ATAD2B: variants seen among roughly 807,000 people sequenced by gnomAD.
ATAD2B encodes the protein ATPase family AAA domain containing 2B.
A neutral mutation model predicts 167.6 loss-of-function variants in ATAD2B; 40 were observed. The observed-to-expected ratio is 0.24, with a 90% CI of 0.19 to 0.31. The LOEUF is 0.31. Ranked by LOEUF, ATAD2B falls within the 10% of genes least tolerant of loss-of-function variation. The pLI, the probability that ATAD2B is intolerant of heterozygous loss-of-function variation, is 1.00. For synonymous variants in ATAD2B, 579 were observed against 596.5 expected (o/e 0.97, Z 0.43); for missense variants, 1,242 against 1,757.2 (o/e 0.71, Z 5.24).
Position 23,762,341 on chromosome 2 carries a change from A to C in ATAD2B, c.3262T>G (p.Ser1088Ala). Residue 1088 changes from serine to alanine, a missense_variant, in exon 24 of 28, where the codon TCA (serine) becomes GCA (alanine). Ser to Ala is a moderately conservative substitution (Grantham distance 99, BLOSUM62 1). Transcript: ENST00000238789. ...IKEARIKRGL[S>A]VTSEQINPHS... The stretch of plus-strand genomic sequence containing the variant: ...GGATTTATTTGTTCTGATGTTACTG[A>C]TAAGCCTGCAAGCAGAAGATAAGCA... The C allele has an allele frequency of 1.2e-6, 2 of 1,612,102 alleles. No homozygotes were observed. The highest frequency in any genetic ancestry group is 1.7e-6 in the Non-Finnish European group (2 of 1,179,194).
chr2:23,903,954 GTGGTGGTAGTGGTGA>G (rs1411597624), intron 1 of ATAD2B, among the ~76,000 whole-genome samples: 3 of 152,060 alleles, frequency 2.0e-5, no homozygotes, highest in African/African-American at 7.2e-5. Flanking sequence ...GGTGGTGGTG[GTGGTGGTAGTGGTGA>G]TGGTGGTGTG....
the ATAD2B span, among the ~76,000 whole-genome samples, chr2:23,731,572 C>T: frequency 1.3e-5 from 2 of 152,126 alleles, no homozygotes; most frequent in Non-Finnish European, 2.9e-5. Flanking sequence ...AAATACAATG[C>T]CAGCCACACA....
intron 21 of ATAD2B, 45 bp from the exon 22 acceptor site, chr2:23,783,073 C>A: frequency 3.0e-6 from 3 of 1,010,220 alleles, no homozygotes; most frequent in South Asian, 4.5e-5. Context: ...TTTTTCACAT[C>A]ATCTCAGTTC....
intron 6 of ATAD2B, among the ~76,000 whole-genome samples, chr2:23,881,785 G>A (rs1434831644): frequency 2.0e-5 from 3 of 150,936 alleles, no homozygotes; most frequent in Admixed American, 6.6e-5. Context: ...GTGCAATGGC[G>A]CGATCTCAGC....
At chr2:23,903,496 G>A (rs1701086532) in intron 1 of ATAD2B, among the ~76,000 whole-genome samples, 1 of 152,010 alleles carries the variant, frequency 6.6e-6, no homozygotes, top group Admixed American at 6.5e-5. Flanking sequence ...TTTTCAATTT[G>A]TAAAAACCAT....
At chr2:23,746,891 G>A (rs1287555903), downstream of ATAD2B, among the ~76,000 whole-genome samples, 1 of 152,140 alleles carries the variant, frequency 6.6e-6, no homozygotes, top group African/African-American at 2.4e-5. Context: ...AAAAAATAAT[G>A]TGAACTCTGA....
intron 2 of ATAD2B, among the ~76,000 whole-genome samples, chr2:23,893,074 G>A (rs1699756830): frequency 6.6e-6 from 1 of 152,020 alleles, no homozygotes; most frequent in Non-Finnish European, 1.5e-5. Flanking sequence ...ATACACTTGG[G>A]CCTTTAAACC....
intron 22 of ATAD2B, among the ~76,000 whole-genome samples, chr2:23,769,120 T>C (rs1170789687): frequency 6.6e-6 from 1 of 152,138 alleles, no homozygotes; most frequent in Non-Finnish European, 1.5e-5. Flanking sequence ...GGATATCAAA[T>C]CTCCAGATGC....
At chr2:23,913,303 A>G (rs1702560960) in intron 1 of ATAD2B, among the ~76,000 whole-genome samples, 1 of 152,210 alleles carries the variant, frequency 6.6e-6, no homozygotes, top group Non-Finnish European at 1.5e-5. Context: ...TCAATTCTCT[A>G]CAGATTAAAA....
At chr2:23,678,505 C>A in the ATAD2B span, among the ~76,000 whole-genome samples, 1 of 152,212 alleles carries the variant, frequency 6.6e-6, no homozygotes, top group African/African-American at 2.4e-5. Context: ...AATGAGTTGT[C>A]CCAGATGAGA....
the ATAD2B span, among the ~76,000 whole-genome samples, chr2:23,743,274 A>G: frequency 6.6e-6 from 1 of 152,170 alleles, no homozygotes; most frequent in Non-Finnish European, 1.5e-5. Context: ...GGTGATACTA[A>G]CAAGAGTTGG....
the ATAD2B span, among the ~76,000 whole-genome samples, chr2:23,720,378 A>G: frequency 6.6e-6 from 1 of 152,098 alleles, no homozygotes; most frequent in African/African-American, 2.4e-5. Flanking sequence ...GTTTGAGACC[A>G]GCCTGGCCAA....
At chr2:23,777,461 T>C (rs1339920269) in intron 22 of ATAD2B, among the ~76,000 whole-genome samples, 4 of 152,092 alleles carry the variant, frequency 2.6e-5, no homozygotes, top group Admixed American at 2.6e-4. Flanking sequence ...AATTAGCAGA[T>C]AGTACTCATA....
intron 6 of ATAD2B, among the ~76,000 whole-genome samples, chr2:23,882,868 C>G (rs1698154741): frequency 6.6e-6 from 1 of 151,586 alleles, no homozygotes; most frequent in African/African-American, 2.4e-5. Context: ...ATATGAACGC[C>G]CAAATGCAAT....
At chr2:23,780,266 C>CTT (rs1329594602) in intron 22 of ATAD2B, among the ~76,000 whole-genome samples, 54 of 83,266 alleles carry the variant, frequency 6.5e-4, no homozygotes, top group Middle Eastern at 9.4e-3. Context: ...AAAGTATATA[C>CTT]TTGTGTGTGT....
At chr2:23,863,634 C>T (rs1694743865) in intron 11 of ATAD2B, 79 bp from the exon 12 acceptor site, 1 of 1,274,518 alleles carries the variant, frequency 7.8e-7, no homozygotes, top group African/African-American at 1.5e-5. Context: ...ATGTCCCCCC[C>T]TTCCATATAA....
chr2:23,746,308 A>G (rs528569565), downstream of ATAD2B, among the ~76,000 whole-genome samples: 30 of 152,386 alleles, frequency 2.0e-4, no homozygotes, highest in African/African-American at 7.2e-4. Flanking sequence ...AAATTAATCT[A>G]TAACTCAGTT....
chr2:23,872,779 C>A, intron 8 of ATAD2B: 1 of 934,970 alleles, frequency 1.1e-6, no homozygotes, highest in Non-Finnish European at 1.8e-6. Flanking sequence ...CAGGCAACCA[C>A]ATCTGATCAA....
At chr2:23,832,126 A>G (rs1689158972) in intron 14 of ATAD2B, 2 of 423,712 alleles carry the variant, frequency 4.7e-6, no homozygotes, top group Admixed American at 2.9e-5. Context: ...AACACGTGAC[A>G]TGGTTAATCA....
Sources: allele counts gnomAD v4.1 joint callset (sites outside exome capture counted in the v4.1 genomes callset), GRCh38; gene constraint gnomAD v4.1.1; transcripts MANE v1.5; gene names NCBI Gene and HGNC (gene_info 2026-07-23, HGNC 2026-07-21).